The following MOXD1 variants were observed in gnomAD, a reference collection of about 807,000 sequenced individuals.
MOXD1 encodes the protein DBH-like monooxygenase protein 1.
MOXD1 carries 62 observed loss-of-function variants against 66.6 expected under a neutral mutation model. That is an observed-to-expected ratio of 0.93 (90% CI 0.76 to 1.15). MOXD1 has a LOEUF of 1.15. Ranked by LOEUF, MOXD1 falls within the 50% of genes most tolerant of loss-of-function variation. MOXD1 has a pLI of 0.00. For synonymous variants in MOXD1, 303 were observed against 281.9 expected, an observed-to-expected ratio of 1.07 and a Z score of -0.75; for missense variants, 847 against 754.6, an observed-to-expected ratio of 1.12 and a Z score of -1.44.
intron 1 of MOXD1, among the ~76,000 whole-genome samples, chr6:132,378,913 T>G (rs1480141370): frequency 8.9e-6 from 1 of 112,024 alleles, no homozygotes. Context: ...TTTTTTTTTT[T>G]TGCGACAGAG....
chr6:132,327,600 C>A (rs1473577850), intron 6 of MOXD1, among the ~76,000 whole-genome samples: 1 of 152,188 alleles, frequency 6.6e-6, no homozygotes, highest in African/African-American at 2.4e-5. Flanking sequence ...CTATGGTTTG[C>A]TTACCACACA....
intron 10 of MOXD1, among the ~76,000 whole-genome samples, chr6:132,303,879 AC>A (rs1198018171): frequency 9.8e-4 from 40 of 40,954 alleles, no homozygotes; most frequent in African/African-American, 2.2e-3. Flanking sequence ...ATATATATAT[AC>A]ATATATACAT....
chr6:132,355,320 C>T (rs1775890313), intron 4 of MOXD1, among the ~76,000 whole-genome samples: 2 of 152,208 alleles, frequency 1.3e-5, no homozygotes, highest in Non-Finnish European at 2.9e-5. Flanking sequence ...CTCCCAGGTC[C>T]TTTCCCACTG....
At chr6:132,302,581 T>C (rs1033985297) in intron 10 of MOXD1, among the ~76,000 whole-genome samples, 1 of 152,278 alleles carries the variant, frequency 6.6e-6, no homozygotes. Context: ...TGAAGAGGCA[T>C]ACCATGTTCA....
chr6:132,379,473 C>A (rs910958777), intron 1 of MOXD1, among the ~76,000 whole-genome samples: 2 of 152,188 alleles, frequency 1.3e-5, no homozygotes, highest in African/African-American at 4.8e-5. Context: ...GGCACATTCT[C>A]CACGTGGAAA....
chr6:132,371,921 T>G (rs1343335688), intron 4 of MOXD1, among the ~76,000 whole-genome samples: 2 of 152,216 alleles, frequency 1.3e-5, no homozygotes, highest in African/African-American at 4.8e-5. Context: ...CCAATCTCAC[T>G]GTAAGTTCTT....
chr6:132,397,494 A>G (rs1776911852), intron 1 of MOXD1, among the ~76,000 whole-genome samples: 1 of 152,140 alleles, frequency 6.6e-6, no homozygotes, highest in South Asian at 2.1e-4. Context: ...GGCTGTCTAT[A>G]AGATATATCC....
intron 1 of MOXD1, among the ~76,000 whole-genome samples, chr6:132,385,482 TA>T (rs1776609972): frequency 2.2e-5 from 3 of 135,274 alleles, no homozygotes; most frequent in African/African-American, 2.7e-5. Flanking sequence ...TTATTATTAT[TA>T]TTATTATTAT....
intron 10 of MOXD1, among the ~76,000 whole-genome samples, chr6:132,309,280 A>C (rs1774769301): frequency 2.0e-5 from 3 of 152,202 alleles, no homozygotes; most frequent in Admixed American, 2.0e-4. Flanking sequence ...ATTGCTACAA[A>C]GAGAATAAAA....
intron 1 of MOXD1, among the ~76,000 whole-genome samples, chr6:132,375,463 C>A (rs942982979): frequency 1.3e-5 from 2 of 152,106 alleles, no homozygotes; most frequent in Non-Finnish European, 2.9e-5. Flanking sequence ...CTGGCTCTGT[C>A]GCCCAGGCTG....
intron 4 of MOXD1, among the ~76,000 whole-genome samples, chr6:132,349,010 G>A (rs561377793): frequency 6.6e-6 from 1 of 151,508 alleles, no homozygotes; most frequent in Non-Finnish European, 1.5e-5. Context: ...GGTTACGGGG[G>A]CACAGGTAGT....
intron 4 of MOXD1, among the ~76,000 whole-genome samples, chr6:132,356,397 A>G (rs1775911091): frequency 6.6e-6 from 1 of 152,236 alleles, no homozygotes. Context: ...TAAAATATCC[A>G]GTGCTCAAGA....
chr6:132,330,922 C>CCA (rs1775303893), intron 4 of MOXD1, among the ~76,000 whole-genome samples: 1 of 152,122 alleles, frequency 6.6e-6, no homozygotes, highest in Non-Finnish European at 1.5e-5. Context: ...GCGAGTCATG[C>CCA]CACACCTAAG....
intron 9 of MOXD1, among the ~76,000 whole-genome samples, chr6:132,320,376 C>T (rs145598395): frequency 5.3e-5 from 8 of 152,180 alleles, no homozygotes; most frequent in African/African-American, 1.9e-4. Flanking sequence ...AATTAAAAGA[C>T]TAAGGATAGC....
At chr6:132,400,722 G>T (rs747248905) in intron 1 of MOXD1, among the ~76,000 whole-genome samples, 1 of 152,150 alleles carries the variant, frequency 6.6e-6, no homozygotes, top group Non-Finnish European at 1.5e-5. Context: ...GATTTGGGAA[G>T]TTCTGAGATT....
At chr6:132,336,886 G>A (rs1277391342) in intron 4 of MOXD1, among the ~76,000 whole-genome samples, 1 of 152,144 alleles carries the variant, frequency 6.6e-6, no homozygotes, top group Non-Finnish European at 1.5e-5. Flanking sequence ...TAAGTTCAGG[G>A]AAGGGTGCCC....
At chr6:132,385,768 A>T (rs1318932602) in intron 1 of MOXD1, among the ~76,000 whole-genome samples, 1 of 151,874 alleles carries the variant, frequency 6.6e-6, no homozygotes, top group East Asian at 2.0e-4. Context: ...CTGGGATTAC[A>T]GGCGTGAGCC....
intron 10 of MOXD1, among the ~76,000 whole-genome samples, chr6:132,303,470 G>A (rs1222423257): frequency 6.6e-6 from 1 of 151,948 alleles, no homozygotes; most frequent in Non-Finnish European, 1.5e-5. Context: ...TATAACTTAT[G>A]CACATGCTCC....
Position 132,328,539 on chromosome 6 carries a change from T to C in MOXD1, c.719A>G (p.Tyr240Cys). ...HESLVHHILLYQCSNNFNDSV... is the reference protein window; with the variant it reads ...HESLVHHILLCQCSNNFNDSV... ...GTCGTTAAAGTTGTTGCTGCACTGA[T>C]AGAGCAGGATGTGGTGCACCAGACT... The change falls in exon 5 of 12, where the codon TAT becomes TGT. Residue 240 changes from tyrosine (Y) to cysteine (C), a missense_variant. By Grantham distance (194) the Tyr-to-Cys change is radical. Transcript: ENST00000367963. 6.2e-7 allele frequency: 1 copy of C among 1,614,118 alleles called. No individual in the cohort carries two copies. Among genetic ancestry groups the C allele is most frequent in the Non-Finnish European group, 8.5e-7 (1 of 1,179,996 alleles).
Sources: gnomAD v4.1 joint callset for allele counts (sites outside exome capture counted in the v4.1 genomes callset) on GRCh38, gnomAD v4.1.1 for gene constraint, MANE v1.5 for transcripts, NCBI Gene and HGNC (gene_info 2026-07-23, HGNC 2026-07-21) for gene names.